Variants in FBXL4 observed in about 807,000 individuals in gnomAD.
FBXL4 encodes F-box and leucine rich repeat protein 4.
A neutral mutation model predicts 58.9 loss-of-function variants in FBXL4; 40 were observed. The observed-to-expected ratio is 0.68, with a 90% CI of 0.53 to 0.88. FBXL4 has a LOEUF of 0.88. FBXL4 is among the 40% of genes least tolerant of loss of function. The pLI, the probability that FBXL4 is intolerant of heterozygous loss-of-function variation, is 0.00. For synonymous variants in FBXL4, 263 were observed against 265.5 expected (o/e 0.99, Z 0.09); for missense variants, 676 against 734.4 (o/e 0.92, Z 0.92).
intron 2 of FBXL4, among the ~76,000 whole-genome samples, chr6:98,931,318 C>A (rs1307845996): frequency 6.6e-6 from 1 of 152,126 alleles, no homozygotes; most frequent in African/African-American, 2.4e-5. Flanking sequence ...GTCATATGGG[C>A]AATATTATGT....
intron 9 of FBXL4, 147 bp from the exon 10 acceptor site, chr6:98,874,588 G>T: frequency 2.1e-6 from 2 of 964,250 alleles, no homozygotes; most frequent in Non-Finnish European, 2.9e-6. Flanking sequence ...TTTCAAACAT[G>T]ACTTCATATT....
chr6:98,925,206 T>C (rs557989233), intron 4 of FBXL4, among the ~76,000 whole-genome samples: 2 of 152,320 alleles, frequency 1.3e-5, no homozygotes, highest in South Asian at 2.1e-4. Context: ...TGAGATAACA[T>C]TTTTCACCTA....
At chr6:98,941,267 T>C (rs905802044) in intron 1 of FBXL4, among the ~76,000 whole-genome samples, 10 of 151,850 alleles carry the variant, frequency 6.6e-5, no homozygotes, top group Admixed American at 6.6e-5. Context: ...GGCAATAATA[T>C]AGATGAATCT....
At chr6:98,904,967 T>C (rs1230647590) in intron 6 of FBXL4, among the ~76,000 whole-genome samples, 1 of 152,200 alleles carries the variant, frequency 6.6e-6, no homozygotes, top group Non-Finnish European at 1.5e-5. Context: ...TCAACATAAT[T>C]AGTTTAAATG....
intron 7 of FBXL4, among the ~76,000 whole-genome samples, chr6:98,883,951 T>G (rs1299703535): frequency 6.6e-6 from 1 of 151,918 alleles, no homozygotes; most frequent in African/African-American, 2.4e-5. Flanking sequence ...AAAAGATTAA[T>G]TTTTCTTAAA....
intron 4 of FBXL4, among the ~76,000 whole-genome samples, chr6:98,919,516 G>A (rs1487030368): frequency 1.3e-5 from 2 of 152,048 alleles, no homozygotes; most frequent in African/African-American, 4.8e-5. Context: ...GCAGGCTGTG[G>A]CAGGTTTAAT....
chr6:98,875,144 C>T, intron 9 of FBXL4: 1 of 405,748 alleles, frequency 2.5e-6, no homozygotes, highest in Non-Finnish European at 4.5e-6. Context: ...TAAATTCTCA[C>T]TCTTACAAGT....
At chr6:98,893,220 T>G (rs1433948910) in intron 7 of FBXL4, among the ~76,000 whole-genome samples, 1 of 152,220 alleles carries the variant, frequency 6.6e-6, no homozygotes, top group Non-Finnish European at 1.5e-5. Context: ...ACTTTTCTTA[T>G]GCTATCCTAT....
At chr6:98,916,529 A>C (rs543634368) in intron 5 of FBXL4, among the ~76,000 whole-genome samples, 1,625 of 152,190 alleles carry the variant, frequency 0.011, 23 homozygotes, top group African/African-American at 0.037. Context: ...GACATGGATG[A>C]AATTGGAAAT....
Position 98,927,718 on chromosome 6 carries a change from G to T in FBXL4, c.-86C>A, listed in dbSNP as rs1211545431. ...GAAATCACTCACCCCAGATAGAATGGTCACAGGATACACATGGGAAATGCA... is the reference window on the plus strand; with the variant it reads ...GAAATCACTCACCCCAGATAGAATGTTCACAGGATACACATGGGAAATGCA... On this transcript the variant is annotated 5_prime_UTR_variant, in exon 3 of 10. Transcript: ENST00000369244. 1.3e-5 allele frequency: 2 copies of T among 152,152 alleles called. No individual in the cohort carries two copies. The highest frequency in any genetic ancestry group is 4.8e-5 in the African/African-American group (2 of 41,428). The allele number at this position is 152,152 out of a possible 1,614,324, so 9.4% of individuals were successfully genotyped here.
At chr6:98,913,835 T>C (rs1370551416) in intron 5 of FBXL4, among the ~76,000 whole-genome samples, 1 of 151,544 alleles carries the variant, frequency 6.6e-6, no homozygotes, top group East Asian at 1.9e-4. Context: ...CTGAAGGAAA[T>C]AGAGACATAA....
chr6:98,871,319 A>T lies in FBXL4; in HGVS notation c.*2959T>A, dbSNP rs947815354. The T allele has an allele frequency of 5.9e-5, 9 of 152,216 alleles. No homozygotes were observed. Among genetic ancestry groups the T allele is most frequent in the African/African-American group, 2.2e-4 (9 of 41,458 alleles). The allele number at this position is 152,216 out of a possible 1,614,324, so 9.4% of individuals were successfully genotyped here. A position where few individuals can be genotyped will look rare whatever the true frequency, so the allele number is the denominator to read the frequency against. The stretch of plus-strand genomic sequence containing the variant: ...ATCAACAGTCAATAAAAAACAAGGC[A>T]AATGACCCTGAGTGGTTTTCCTTGG... On this transcript the variant is annotated 3_prime_UTR_variant, in exon 10 of 10. Transcript: ENST00000369244.
At chr6:98,916,368 G>C (rs1038429357) in intron 5 of FBXL4, among the ~76,000 whole-genome samples, 44 of 152,222 alleles carry the variant, frequency 2.9e-4, no homozygotes, top group African/African-American at 1.1e-3. Flanking sequence ...ACATGCACAC[G>C]TATGTTTATT....
chr6:98,882,229 C>A (rs1304597473), intron 7 of FBXL4, among the ~76,000 whole-genome samples: 1 of 151,452 alleles, frequency 6.6e-6, no homozygotes, highest in Non-Finnish European at 1.5e-5. Context: ...TTTGTCAACT[C>A]TTAACATTTT....
chr6:98,913,619 A>G (rs1414459914), intron 5 of FBXL4, among the ~76,000 whole-genome samples: 3 of 152,240 alleles, frequency 2.0e-5, no homozygotes, highest in African/African-American at 4.8e-5. Flanking sequence ...GAAACCAATA[A>G]GAACAAAGAC....
chr6:98,937,682 A>G (rs1418549180), intron 1 of FBXL4, among the ~76,000 whole-genome samples: 1 of 152,166 alleles, frequency 6.6e-6, no homozygotes, highest in African/African-American at 2.4e-5. Context: ...TTGTGGAAAT[A>G]TACTATAAAT....
At chr6:98,893,956 T>C in intron 7 of FBXL4, among the ~76,000 whole-genome samples, 1 of 152,168 alleles carries the variant, frequency 6.6e-6, no homozygotes, top group Admixed American at 6.5e-5. Flanking sequence ...CAGCTCACTG[T>C]AGCCTCGACC....
At chr6:98,895,347 T>C (rs1393341123) in intron 7 of FBXL4, among the ~76,000 whole-genome samples, 2 of 152,220 alleles carry the variant, frequency 1.3e-5, no homozygotes, top group Admixed American at 1.3e-4. Flanking sequence ...AGAAGATATT[T>C]ATAAAACATA....
chr6:98,901,160 G>A (rs1489047222), intron 6 of FBXL4, among the ~76,000 whole-genome samples: 1 of 152,076 alleles, frequency 6.6e-6, no homozygotes, highest in Non-Finnish European at 1.5e-5. Flanking sequence ...AAAGTGCCCA[G>A]GAGGAAATAA....
Sources: gnomAD v4.1 joint callset for allele counts (sites outside exome capture counted in the v4.1 genomes callset) on GRCh38, gnomAD v4.1.1 for gene constraint, MANE v1.5 for transcripts, NCBI Gene and HGNC (gene_info 2026-07-23, HGNC 2026-07-21) for gene names.